The following ARB2A variants were observed in gnomAD, a reference collection of about 807,000 sequenced individuals.
The protein encoded by ARB2A is cotranscriptional regulator ARB2A.
the ARB2A span, among the ~76,000 whole-genome samples, chr5:93,731,567 C>A: frequency 6.6e-6 from 1 of 152,170 alleles, no homozygotes; most frequent in Non-Finnish European, 1.5e-5. Context: ...GAAACAAATT[C>A]TCTTTCAATT....
the ARB2A span, among the ~76,000 whole-genome samples, chr5:93,888,294 C>T: frequency 6.6e-6 from 1 of 151,762 alleles, no homozygotes; most frequent in Non-Finnish European, 1.5e-5. Flanking sequence ...TTCTTTGCTT[C>T]TCATTCTCAT....
At chr5:93,978,541 C>G in the ARB2A span, among the ~76,000 whole-genome samples, 2 of 152,044 alleles carry the variant, frequency 1.3e-5, no homozygotes, top group African/African-American at 4.8e-5. Flanking sequence ...CATGTTCTCA[C>G]TTATAAGTGA....
chr5:93,829,443 C>T, the ARB2A span, among the ~76,000 whole-genome samples: 24 of 152,176 alleles, frequency 1.6e-4, no homozygotes, highest in Non-Finnish European at 2.4e-4. Flanking sequence ...TCTGGAAAGT[C>T]AACCCTATTT....
chr5:94,055,408 A>G, the ARB2A span, among the ~76,000 whole-genome samples: 1 of 152,204 alleles, frequency 6.6e-6, no homozygotes, highest in Admixed American at 6.5e-5. Context: ...GCTAGAGAAA[A>G]AAGTATTTTG....
the ARB2A span, among the ~76,000 whole-genome samples, chr5:93,986,066 C>T: frequency 4.7e-5 from 7 of 150,532 alleles, no homozygotes; most frequent in Non-Finnish European, 8.9e-5. Context: ...CGCCTCTGCC[C>T]GGCCGCCCCG....
At chr5:93,974,265 A>G in the ARB2A span, among the ~76,000 whole-genome samples, 1 of 152,196 alleles carries the variant, frequency 6.6e-6, no homozygotes, top group Non-Finnish European at 1.5e-5. Flanking sequence ...CAAAGTAAAA[A>G]TCTTTCTATA....
At chr5:94,039,742 A>G in the ARB2A span, among the ~76,000 whole-genome samples, 1 of 152,112 alleles carries the variant, frequency 6.6e-6, no homozygotes, top group East Asian at 1.9e-4. Context: ...TTCCTGTAAC[A>G]TCTTTCTGGC....
At chr5:93,701,831 A>C in the ARB2A span, among the ~76,000 whole-genome samples, 1 of 152,192 alleles carries the variant, frequency 6.6e-6, no homozygotes, top group African/African-American at 2.4e-5. Flanking sequence ...GGCTTAAAGC[A>C]TATCACATGG....
At chr5:93,626,133 A>T in the ARB2A span, among the ~76,000 whole-genome samples, 3 of 152,196 alleles carry the variant, frequency 2.0e-5, no homozygotes, top group South Asian at 2.1e-4. Context: ...TATGCAGTAG[A>T]TGTCTTAAGT....
chr5:94,092,478 A>C, the ARB2A span, among the ~76,000 whole-genome samples: 1 of 152,142 alleles, frequency 6.6e-6, no homozygotes, highest in African/African-American at 2.4e-5. Context: ...TAATGTCACT[A>C]CTTGTAATTA....
the ARB2A span, among the ~76,000 whole-genome samples, chr5:93,758,341 C>T: frequency 3.9e-5 from 6 of 152,114 alleles, no homozygotes; most frequent in East Asian, 1.9e-4. Flanking sequence ...CAGGTCATCA[C>T]GACAGAAAGT....
the ARB2A span, among the ~76,000 whole-genome samples, chr5:94,069,732 A>G: frequency 0.091 from 13,874 of 152,262 alleles, 790 homozygotes; most frequent in Middle Eastern, 0.16. Context: ...TAAAACCACA[A>G]TTAGATATCC....
the ARB2A span, among the ~76,000 whole-genome samples, chr5:94,014,979 CA>C: frequency 2.0e-5 from 3 of 151,018 alleles, no homozygotes; most frequent in Admixed American, 6.6e-5. Flanking sequence ...AAAGTTTACT[CA>C]AAGAAATAGT....
chr5:93,932,511 A>G, the ARB2A span, among the ~76,000 whole-genome samples: 1 of 152,214 alleles, frequency 6.6e-6, no homozygotes, highest in African/African-American at 2.4e-5. Flanking sequence ...TTTATCTATA[A>G]GTAGACAAAT....
At chr5:93,730,082 T>A in the ARB2A span, among the ~76,000 whole-genome samples, 1 of 152,140 alleles carries the variant, frequency 6.6e-6, no homozygotes, top group Non-Finnish European at 1.5e-5. Context: ...AGAAACTCAG[T>A]TTAAAAATAA....
At chr5:93,800,381 TCACACACACACA>T in the ARB2A span, among the ~76,000 whole-genome samples, 527 of 141,056 alleles carry the variant, frequency 3.7e-3, 1 homozygote, top group African/African-American at 9.7e-3. Flanking sequence ...CTGCATATTT[TCACACACACACA>T]CACACACACA....
At chr5:93,907,802 T>C in the ARB2A span, among the ~76,000 whole-genome samples, 1 of 151,364 alleles carries the variant, frequency 6.6e-6, no homozygotes, top group African/African-American at 2.4e-5. Context: ...TTCTTCTAAA[T>C]GGAATGCTTA....
the ARB2A span, among the ~76,000 whole-genome samples, chr5:93,948,822 C>A: frequency 1.3e-5 from 2 of 152,180 alleles, no homozygotes; most frequent in Admixed American, 1.3e-4. Flanking sequence ...GATCTTCCCA[C>A]CTAAGCCTCT....
the ARB2A span, among the ~76,000 whole-genome samples, chr5:93,858,188 G>A: frequency 6.6e-6 from 1 of 152,320 alleles, no homozygotes; most frequent in South Asian, 2.1e-4. Context: ...GAAAAGTTGT[G>A]TACCAGGGAA....
Sources: gnomAD v4.1 joint callset for allele counts (sites outside exome capture counted in the v4.1 genomes callset) on GRCh38, gnomAD v4.1.1 for gene constraint, MANE v1.5 for transcripts, NCBI Gene and HGNC (gene_info 2026-07-23, HGNC 2026-07-21) for gene names.